The following CNTLN variants were observed in gnomAD, a reference collection of about 807,000 sequenced individuals.
CNTLN encodes the protein centlein, also known as centlein, centrosomal protein.
In CNTLN, 212 loss-of-function variants were observed where a neutral mutation model predicts 180.0. The ratio of observed to expected loss-of-function variants is 1.18; its 90% CI spans 1.05 to 1.32. The LOEUF is 1.32. Among genes scored for constraint, CNTLN ranks in the 40% most tolerant of loss-of-function variants. CNTLN has a pLI of 0.00. For synonymous variants in CNTLN, 722 were observed against 563.1 expected (o/e 1.28, Z -3.99); for missense variants, 2,095 against 1,610.9 (o/e 1.30, Z -5.14).
intron 2 of CNTLN, among the ~76,000 whole-genome samples, chr9:17,212,592 C>G (rs575037856): frequency 6.6e-6 from 1 of 152,166 alleles, no homozygotes; most frequent in African/African-American, 2.4e-5. Flanking sequence ...GGAGGATTCC[C>G]TCTTTTTCTA....
chr9:17,222,871 T>A (rs932163471), intron 2 of CNTLN, among the ~76,000 whole-genome samples: 1 of 152,012 alleles, frequency 6.6e-6, no homozygotes, highest in African/African-American at 2.4e-5. Flanking sequence ...TTCCTTATCT[T>A]ACTAATCTAT....
chr9:17,309,058 C>T lies in CNTLN; in HGVS notation c.1147C>T (p.Leu383Phe), dbSNP rs566021140. The T allele has an allele frequency of 6.2e-5, 98 of 1,569,094 alleles. No homozygotes were observed. The East Asian group carries it at 2.2e-3, about 35-fold the overall frequency. ...HTAESISYQK[L>F]YNELHICFET... ...AATTTGGATATATTTTTTGAAACAGCTTTACAATGAGTTACATATTTGTTT... is the reference window on the plus strand; with the variant it reads ...AATTTGGATATATTTTTTGAAACAGTTTTACAATGAGTTACATATTTGTTT... The change falls in exon 8 of 26, where the codon CTT becomes TTT. Residue 383 changes from leucine to phenylalanine, a missense_variant and splice_region_variant. Transcript: ENST00000380647.
chr9:17,220,673 C>T lies in CNTLN; in HGVS notation c.450-5530C>T, dbSNP rs115103825. 5.1e-3 allele frequency among the ~76,000 whole-genome samples: 769 copies of T among 152,198 alleles called. 4 individuals are homozygous for T. The highest frequency in any genetic ancestry group is 0.017 in the African/African-American group (714 of 41,530). On this transcript the variant is annotated intron_variant, in intron 2 of 25. Transcript: ENST00000380647. ...TCATCATTTAGCTCCCGCTTATAGGCGAGAACATGTTGCACATGCAATATT... is the reference window on the plus strand; with the variant it reads ...TCATCATTTAGCTCCCGCTTATAGGTGAGAACATGTTGCACATGCAATATT...
intron 2 of CNTLN, among the ~76,000 whole-genome samples, chr9:17,149,603 T>C (rs577912366): frequency 6.7e-6 from 1 of 149,598 alleles, no homozygotes; most frequent in East Asian, 2.0e-4. Context: ...CTGCAAGCTC[T>C]GCCTCCCGGG....
chr9:17,135,564 G>T, intron 1 of CNTLN, 139 bp downstream of exon 1: 1 of 1,189,062 alleles, frequency 8.4e-7, no homozygotes, highest in Non-Finnish European at 1.1e-6. Context: ...TGCTTCGCTC[G>T]CGGCCGGGGG....
At chr9:17,195,880 T>C (rs1026892819) in intron 2 of CNTLN, among the ~76,000 whole-genome samples, 1 of 152,190 alleles carries the variant, frequency 6.6e-6, no homozygotes, top group Non-Finnish European at 1.5e-5. Flanking sequence ...TTACTCTGCA[T>C]GGTAATTTAT....
chr9:17,213,462 T>A (rs1270686926), intron 2 of CNTLN, among the ~76,000 whole-genome samples: 2 of 152,140 alleles, frequency 1.3e-5, no homozygotes, highest in African/African-American at 4.8e-5. Flanking sequence ...TGCTGAGGAG[T>A]TCTGTACTTC....
At chr9:17,284,099 G>T (rs972515492) in intron 6 of CNTLN, among the ~76,000 whole-genome samples, 5 of 152,062 alleles carry the variant, frequency 3.3e-5, no homozygotes, top group African/African-American at 1.2e-4. Flanking sequence ...TTGGCTCACT[G>T]CAACCTCCAC....
the CNTLN span, among the ~76,000 whole-genome samples, chr9:17,509,203 C>A: frequency 6.6e-6 from 1 of 152,178 alleles, no homozygotes; most frequent in Non-Finnish European, 1.5e-5. Context: ...TACTGAGTGC[C>A]CAATCTTTCA....
intron 22 of CNTLN, 55 bp from the exon 23 acceptor site, chr9:17,466,651 C>G: frequency 6.9e-7 from 1 of 1,443,446 alleles, no homozygotes; most frequent in Non-Finnish European, 9.4e-7. Flanking sequence ...ATAACTAACT[C>G]TTCCAAATCT....
At chr9:17,386,687 G>A (rs140033808) in intron 13 of CNTLN, among the ~76,000 whole-genome samples, 7 of 152,240 alleles carry the variant, frequency 4.6e-5, no homozygotes, top group African/African-American at 1.7e-4. Context: ...ATCTACCAGT[G>A]GACCTCACAC....
intron 23 of CNTLN, among the ~76,000 whole-genome samples, chr9:17,481,949 C>G (rs1832671853): frequency 1.3e-5 from 2 of 152,198 alleles, no homozygotes; most frequent in Non-Finnish European, 2.9e-5. Context: ...TGGTGAAGGA[C>G]TATTCCTGCT....
intron 8 of CNTLN, among the ~76,000 whole-genome samples, chr9:17,314,651 T>C (rs1009128041): frequency 9.2e-5 from 14 of 152,244 alleles, no homozygotes; most frequent in Non-Finnish European, 1.9e-4. Context: ...CCTAACGTTA[T>C]TTCTGTTGTG....
the CNTLN span, among the ~76,000 whole-genome samples, chr9:17,514,863 A>G: frequency 6.1e-3 from 927 of 152,274 alleles, 6 homozygotes; most frequent in Non-Finnish European, 9.4e-3. Flanking sequence ...TGCCTTTATG[A>G]CCTTTTCCAC....
intron 14 of CNTLN, among the ~76,000 whole-genome samples, chr9:17,390,231 G>A (rs1189202383): frequency 2.0e-5 from 2 of 101,640 alleles, no homozygotes; most frequent in African/African-American, 7.0e-5. Flanking sequence ...TTTGAAAAGA[G>A]CCTCTTTTTT....
chr9:17,465,377 C>T lies in CNTLN; in HGVS notation c.3532-604C>T, dbSNP rs535154218. ...TAAAATCACTTCCTATAGGCTTTTT[C>T]AATGTTATCCTTTCAATTTTGCTAT... On this transcript the variant is annotated intron_variant, in intron 21 of 25. Transcript: ENST00000380647. 2.0e-5 allele frequency among the ~76,000 whole-genome samples: 3 copies of T among 150,646 alleles called. No homozygotes were observed. In the South Asian group the frequency reaches 6.2e-4, roughly 31 times the overall value.
At chr9:17,338,152 T>C (rs1472623372) in intron 10 of CNTLN, among the ~76,000 whole-genome samples, 1 of 144,942 alleles carries the variant, frequency 6.9e-6, no homozygotes, top group Non-Finnish European at 1.5e-5. Flanking sequence ...TTCCTTCTTC[T>C]TTCTTTCTTT....
At chr9:17,213,677 T>G (rs935716167) in intron 2 of CNTLN, among the ~76,000 whole-genome samples, 3 of 152,156 alleles carry the variant, frequency 2.0e-5, no homozygotes, top group African/African-American at 7.2e-5. Context: ...CCCATTATTA[T>G]TGTGTGGGAG....
chr9:17,146,196 A>C (rs1316032091), intron 2 of CNTLN, among the ~76,000 whole-genome samples: 1 of 152,072 alleles, frequency 6.6e-6, no homozygotes, highest in African/African-American at 2.4e-5. Flanking sequence ...TTCATTGATA[A>C]AATGTTCTCA....
Sources: gnomAD v4.1 joint callset for allele counts (sites outside exome capture counted in the v4.1 genomes callset) on GRCh38, gnomAD v4.1.1 for gene constraint, MANE v1.5 for transcripts, NCBI Gene and HGNC (gene_info 2026-07-23, HGNC 2026-07-21) for gene names.